Variants in PTPRJ observed in about 807,000 individuals in gnomAD.
PTPRJ encodes the protein protein tyrosine phosphatase receptor type J.
In PTPRJ, 129 loss-of-function variants were observed where a neutral mutation model predicts 141.3. The observed-to-expected ratio is 0.91, with a 90% CI of 0.79 to 1.06. The LOEUF (loss-of-function observed/expected upper bound fraction) is 1.06. Among genes scored for constraint, PTPRJ ranks in the 50% least tolerant of loss-of-function variants. The pLI is 0.00. For synonymous variants in PTPRJ, 610 were observed against 640.5 expected (o/e 0.95, Z 0.72); for missense variants, 1,601 against 1,679.7 (o/e 0.95, Z 0.82).
intron 1 of PTPRJ, among the ~76,000 whole-genome samples, chr11:48,067,867 C>T (rs547839618): frequency 2.1e-4 from 32 of 152,260 alleles, no homozygotes; most frequent in Middle Eastern, 3.4e-3. Flanking sequence ...GGGAGGCGTG[C>T]GCTCCAACAC....
At chr11:48,036,030 T>C (rs1047480121) in intron 1 of PTPRJ, among the ~76,000 whole-genome samples, 4 of 152,232 alleles carry the variant, frequency 2.6e-5, no homozygotes, top group Non-Finnish European at 5.9e-5. Context: ...TACTTAATAG[T>C]GCATTCTTCT....
At chr11:47,981,858 G>C (rs1048887757) in intron 1 of PTPRJ, among the ~76,000 whole-genome samples, 1 of 152,210 alleles carries the variant, frequency 6.6e-6, no homozygotes, top group Non-Finnish European at 1.5e-5. Flanking sequence ...CACCCAGCCC[G>C]TGCCATGGGA....
chr11:48,149,555 A>G, intron 16 of PTPRJ, 67 bp downstream of exon 16: 3 of 1,090,264 alleles, frequency 2.8e-6, no homozygotes, highest in East Asian at 5.3e-5. Flanking sequence ...TCTATAAATA[A>G]TTTTTGATGG....
intron 8 of PTPRJ, chr11:48,132,710 TATAA>T (rs1193558600): frequency 1.1e-6 from 1 of 917,290 alleles, no homozygotes; most frequent in Non-Finnish European, 1.3e-6. Flanking sequence ...TATATATATA[TATAA>T]AAGAAATGGG....
At chr11:48,143,157 C>T in intron 12 of PTPRJ, 107 bp downstream of exon 12, 1 of 1,400,686 alleles carries the variant, frequency 7.1e-7, no homozygotes, top group Non-Finnish European at 9.8e-7. Flanking sequence ...CGCCTGTCTT[C>T]TCACTGCAGC....
At chr11:48,122,782 C>T (rs112113898) in intron 4 of PTPRJ, among the ~76,000 whole-genome samples, 232 of 152,296 alleles carry the variant, frequency 1.5e-3, no homozygotes, top group African/African-American at 5.3e-3. Flanking sequence ...CTTACCGTTT[C>T]GGAGCTGGAC....
chr11:48,119,046 A>G (rs1469885729), intron 3 of PTPRJ, among the ~76,000 whole-genome samples: 1 of 149,868 alleles, frequency 6.7e-6, no homozygotes, highest in Non-Finnish European at 1.5e-5. Context: ...AAAAAGAAAT[A>G]ATGGTGCCAT....
intron 1 of PTPRJ, among the ~76,000 whole-genome samples, chr11:48,092,903 C>T (rs997249966): frequency 1.3e-5 from 2 of 152,096 alleles, no homozygotes; most frequent in South Asian, 2.1e-4. Context: ...GGCAAATTGC[C>T]GTGTTGAGTT....
intron 1 of PTPRJ, among the ~76,000 whole-genome samples, chr11:48,017,467 A>T (rs907019183): frequency 2.0e-5 from 3 of 152,326 alleles, no homozygotes; most frequent in African/African-American, 7.2e-5. Flanking sequence ...ATACTTATAC[A>T]TTGCTATAAA....
chr11:48,123,747 C>G lies in PTPRJ; in HGVS notation c.751C>G (p.Gln251Glu), dbSNP rs1432810307. The change falls in exon 5 of 25, where the codon CAA becomes GAA. Residue 251 changes from glutamine to glutamate, a missense_variant. Physicochemically the swap from Gln to Glu is conservative, Grantham distance 29. Coordinates refer to ENST00000418331, the MANE Select transcript of PTPRJ (RefSeq NM_002843.4). ...ESIGSHEELT[Q>E]DSRLQVNISG... ...CATTGGAAGCCATGAGGAGTTGACT[C>G]AAGACTCAAGACTTCAGGTCAATAT... is the stretch of plus-strand genomic sequence containing the variant. The G allele has an allele frequency of 9.9e-6, 16 of 1,613,986 alleles. No individual in the cohort carries two copies. Among genetic ancestry groups the G allele is most frequent in the Admixed American group, 3.3e-5 (2 of 60,000 alleles).
At chr11:48,072,836 G>C (rs1199059565) in intron 1 of PTPRJ, among the ~76,000 whole-genome samples, 1 of 152,128 alleles carries the variant, frequency 6.6e-6, no homozygotes, top group African/African-American at 2.4e-5. Context: ...TTAGGAAAAA[G>C]CCCATAAAAC....
chr11:48,139,913 CAT>C lies in PTPRJ; in HGVS notation c.2443+139_2443+140del. 3.3e-6 allele frequency: 3 copies of C among 911,110 alleles called. No individual in the cohort carries two copies. The African/African-American group carries it at 5.0e-5, about 15-fold the overall frequency. 56.4% of individuals were successfully genotyped at this position (911,110 alleles called of 1,614,324 possible). ...CCCCTAAAATATTTGCTTTTACTGA[CAT>C]AGACTGGTTTCTCATTCTATAGAAA... On this transcript the variant is annotated intron_variant, in intron 11 of 24. Transcript: ENST00000418331.
chr11:48,002,499 G>C (rs1854525584), intron 1 of PTPRJ, among the ~76,000 whole-genome samples: 1 of 150,768 alleles, frequency 6.6e-6, no homozygotes, highest in Admixed American at 6.6e-5. Context: ...AACATTTTCT[G>C]CTTCAAATCC....
chr11:48,027,209 G>A (rs984746236), intron 1 of PTPRJ, among the ~76,000 whole-genome samples: 7 of 151,060 alleles, frequency 4.6e-5, no homozygotes, highest in Non-Finnish European at 5.9e-5. Flanking sequence ...GGGTTTCACC[G>A]TGTTAGCCAG....
rs868848296 is a variant in PTPRJ, at chr11:48,083,223, C to T, written c.97-26835C>T. On this transcript the variant is annotated intron_variant, in intron 1 of 24. Transcript: ENST00000418331. ...GGTGGATCACCTGAGATCAGGAGTT[C>T]GAGACCAGCCTGACCAACATGGTGA... Among the ~76,000 whole-genome samples, 7 of 152,084 alleles carry T rather than the reference C, an allele frequency of 4.6e-5. No homozygotes were observed. In the East Asian group the frequency reaches 7.8e-4, roughly 17 times the overall value.
chr11:48,050,198 A>G (rs1022695030), intron 1 of PTPRJ, among the ~76,000 whole-genome samples: 1 of 152,204 alleles, frequency 6.6e-6, no homozygotes, highest in Non-Finnish European at 1.5e-5. Context: ...TTTACACATG[A>G]CTAGTAAACC....
In PTPRJ at chr11:47,980,728, C is replaced by G. The variant is rs1853876366; in HGVS notation, c.-185C>G. On this transcript the variant is annotated 5_prime_UTR_variant, in exon 1 of 25. Coordinates refer to ENST00000418331, the MANE Select transcript of PTPRJ (RefSeq NM_002843.4). ...CGCGCTAGGCTCCGGCGTGTGGCCGCGGCCGCCGCCGCCGCTGCCATGTCT... is the reference window on the plus strand; with the variant it reads ...CGCGCTAGGCTCCGGCGTGTGGCCGGGGCCGCCGCCGCCGCTGCCATGTCT... The G allele has an allele frequency of 1.0e-6, 1 of 1,003,306 alleles. No homozygotes were observed. The highest frequency in any genetic ancestry group is 1.2e-6 in the Non-Finnish European group (1 of 843,820). 62.2% of individuals were successfully genotyped at this position (1,003,306 alleles called of 1,614,324 possible). A position where few individuals can be genotyped will look rare whatever the true frequency, so the allele number is the denominator to read the frequency against.
chr11:48,159,758 C>T (rs1413187619), intron 21 of PTPRJ, among the ~76,000 whole-genome samples, 172 bp from the exon 22 acceptor site: 1 of 152,036 alleles, frequency 6.6e-6, no homozygotes, highest in Admixed American at 6.6e-5. Context: ...CATAGTGAGA[C>T]CCTGTCTCTA....
At chr11:48,110,614 C>T (rs866755127) in intron 2 of PTPRJ, among the ~76,000 whole-genome samples, 3 of 152,196 alleles carry the variant, frequency 2.0e-5, no homozygotes, top group East Asian at 1.9e-4. Flanking sequence ...TTTCTAGCCT[C>T]ATCTGTGGGC....
Sources: gnomAD v4.1 joint callset for allele counts (sites outside exome capture counted in the v4.1 genomes callset) on GRCh38, gnomAD v4.1.1 for gene constraint, MANE v1.5 for transcripts, NCBI Gene and HGNC (gene_info 2026-07-23, HGNC 2026-07-21) for gene names.